PDZD8: variants seen among roughly 807,000 people sequenced by gnomAD.
PDZD8 encodes the protein PDZ domain-containing protein 8.
In PDZD8, 14 loss-of-function variants were observed where a neutral mutation model predicts 85.8. The observed-to-expected ratio is 0.16, with a 90% CI of 0.11 to 0.26. The LOEUF is 0.26. Ranked by LOEUF, PDZD8 falls within the 10% of genes least tolerant of loss-of-function variation. PDZD8 has a pLI of 1.00. For missense variants in PDZD8, 1,197 were observed against 1,424.3 expected (o/e 0.84, Z 2.57); for synonymous variants, 592 against 568.6 (o/e 1.04, Z -0.59).
At chr10:117,347,739 A>T (rs1844733807) in intron 1 of PDZD8, among the ~76,000 whole-genome samples, 1 of 152,216 alleles carries the variant, frequency 6.6e-6, no homozygotes, top group Non-Finnish European at 1.5e-5. Context: ...TGGAATAAGA[A>T]TTAGTGAAAC....
chr10:117,355,114 A>T (rs749826038), intron 1 of PDZD8, among the ~76,000 whole-genome samples: 12 of 152,184 alleles, frequency 7.9e-5, no homozygotes, highest in Non-Finnish European at 1.8e-4. Context: ...AGATACTTCA[A>T]TTGATATATT....
At chr10:117,353,068 T>G (rs1444080959) in intron 1 of PDZD8, among the ~76,000 whole-genome samples, 1 of 152,190 alleles carries the variant, frequency 6.6e-6, no homozygotes, top group Non-Finnish European at 1.5e-5. Context: ...TAATCTGCAT[T>G]ATAAAGCTGT....
chr10:117,353,432 C>T (rs1294481529), intron 1 of PDZD8, among the ~76,000 whole-genome samples: 1 of 152,024 alleles, frequency 6.6e-6, no homozygotes, highest in Non-Finnish European at 1.5e-5. Flanking sequence ...TAAACAAGTC[C>T]ACGTGATTAA....
At position 117,353,597 on chromosome 10, in the gene PDZD8, T is replaced by C. The variant is rs555627739; in HGVS notation, c.873-12495A>G. ...AAGCTAGATGCTAAAGAATTATTAC[T>C]TTTTAAAGGTTTGATAGTGGGATTA... On this transcript the variant is annotated intron_variant, in intron 1 of 4. Transcript: ENST00000334464. Among the ~76,000 whole-genome samples the C allele has an allele frequency of 9.8e-5, 15 of 152,296 alleles. No individual in the cohort carries two copies. The East Asian group carries it at 2.3e-3, about 24-fold the overall frequency.
At chr10:117,348,195 G>A (rs1844741918) in intron 1 of PDZD8, among the ~76,000 whole-genome samples, 1 of 152,158 alleles carries the variant, frequency 6.6e-6, no homozygotes, top group Non-Finnish European at 1.5e-5. Context: ...ATGTATAACT[G>A]TTTGGTTAGA....
At position 117,283,855 on chromosome 10, in the gene PDZD8, C is replaced by T; in HGVS notation, c.2878G>A (p.Gly960Arg). The change falls in exon 5 of 5, where the codon GGA (glycine) becomes AGA (arginine). Residue 960 changes from glycine (G) to arginine (R), a missense_variant. Physicochemically the swap from Gly to Arg is moderately radical, Grantham distance 125. Coordinates refer to ENST00000334464, the MANE Select transcript of PDZD8 (RefSeq NM_173791.5). ...GGTGAAGGTTCTACGAGATCGGTTCCTGGTTCAGAAAGGCGAGTTTTAGAG... is the reference window on the plus strand; with the variant it reads ...GGTGAAGGTTCTACGAGATCGGTTCTTGGTTCAGAAAGGCGAGTTTTAGAG... ...QVSKTRLSEP[G>R]TDLVEPSPKH... 6.2e-7 allele frequency: 1 copy of T among 1,614,134 alleles called. No homozygotes were observed. The highest frequency in any genetic ancestry group is 8.5e-7 in the Non-Finnish European group (1 of 1,180,032).
intron 2 of PDZD8, among the ~76,000 whole-genome samples, chr10:117,337,997 A>C (rs1844546969): frequency 6.6e-6 from 1 of 152,220 alleles, no homozygotes; most frequent in Non-Finnish European, 1.5e-5. Flanking sequence ...ATTAGAATAA[A>C]ACACACAAGC....
intron 2 of PDZD8, among the ~76,000 whole-genome samples, chr10:117,332,500 GTTTTTTTTTT>G (rs746193302): frequency 1.1e-5 from 1 of 88,434 alleles, no homozygotes; most frequent in Non-Finnish European, 2.2e-5. Flanking sequence ...TTCTGTAAGG[GTTTTTTTTTT>G]TTTTTTTTTT....
chr10:117,339,992 G>A (rs1014344369), intron 2 of PDZD8, among the ~76,000 whole-genome samples: 1 of 152,192 alleles, frequency 6.6e-6, no homozygotes, highest in Non-Finnish European at 1.5e-5. Context: ...AAAAGATCAT[G>A]TTGGTTGTTA....
chr10:117,324,085 A>C, intron 2 of PDZD8, among the ~76,000 whole-genome samples: 1 of 151,814 alleles, frequency 6.6e-6, no homozygotes, highest in Non-Finnish European at 1.5e-5. Flanking sequence ...AAAATTAGCC[A>C]GATGTGGTAG....
In PDZD8 at chr10:117,375,064, AGCAG is replaced by A; in HGVS notation, c.160_163del (p.Leu54SerfsTer2). ...GCCGCCATAAAGGTACTCCCTTAGG[AGCAG>A]GCCCGGCACTGGCTTGATGTAGCGG... On this transcript the variant is annotated frameshift_variant, in exon 1 of 5. Coordinates refer to ENST00000334464, the MANE Select transcript of PDZD8 (RefSeq NM_173791.5). LOFTEE classifies it high-confidence loss of function. 1 of 1,600,204 alleles carries A rather than the reference AGCAG, an allele frequency of 6.2e-7. No homozygotes were observed. The highest frequency in any genetic ancestry group is 8.5e-7 in the Non-Finnish European group (1 of 1,176,490).
intron 4 of PDZD8, among the ~76,000 whole-genome samples, chr10:117,286,260 C>T (rs1371353499): frequency 6.6e-6 from 1 of 152,198 alleles, no homozygotes; most frequent in African/African-American, 2.4e-5. Context: ...CCTTCCCTGA[C>T]CTTAGTAGCT....
intron 3 of PDZD8, among the ~76,000 whole-genome samples, chr10:117,300,467 A>G (rs887383364): frequency 2.6e-5 from 4 of 152,210 alleles, no homozygotes; most frequent in Admixed American, 2.6e-4. Context: ...AAACCATTCT[A>G]TAATGTAGCA....
rs1011759304 is a variant in PDZD8, at chr10:117,279,188, T to C, written c.*4080A>G. On this transcript the variant is annotated 3_prime_UTR_variant, in exon 5 of 5. Transcript: ENST00000334464. ...GGGAAAAAAATTCTAAGTTCTTTTA[T>C]ATGACTAATATTCTTGGTTAGCAAG... is the stretch of plus-strand genomic sequence containing the variant. 1 of 152,208 alleles carries C rather than the reference T, an allele frequency of 6.6e-6. No homozygotes were observed. The highest frequency in any genetic ancestry group is 1.9e-4 in the East Asian group (1 of 5,200). The allele number at this position is 152,208 out of a possible 1,614,324, so 9.4% of individuals were successfully genotyped here.
chr10:117,371,657 G>A (rs779007686), intron 1 of PDZD8, among the ~76,000 whole-genome samples: 7 of 152,104 alleles, frequency 4.6e-5, no homozygotes, highest in Admixed American at 4.6e-4. Flanking sequence ...ACAAAGCGCC[G>A]GGCAAGGTGG....
At chr10:117,337,921 T>G (rs1363983753) in intron 2 of PDZD8, among the ~76,000 whole-genome samples, 2 of 152,200 alleles carry the variant, frequency 1.3e-5, no homozygotes, top group Admixed American at 6.5e-5. Flanking sequence ...TTTTGGTCCT[T>G]CTTCCAAAAA....
intron 1 of PDZD8, among the ~76,000 whole-genome samples, chr10:117,373,512 C>T (rs553599966): frequency 1.1e-4 from 17 of 149,542 alleles, no homozygotes; most frequent in Admixed American, 5.4e-4. Context: ...AATCCTAACA[C>T]TTTGGGAGGC....
intron 1 of PDZD8, among the ~76,000 whole-genome samples, chr10:117,352,306 G>C (rs1285806553): frequency 6.6e-6 from 1 of 152,158 alleles, no homozygotes; most frequent in Non-Finnish European, 1.5e-5. Context: ...TCATGTTCTT[G>C]CTCAAGTGAT....
intron 1 of PDZD8, among the ~76,000 whole-genome samples, chr10:117,348,632 G>A (rs1039602460): frequency 2.0e-5 from 3 of 152,056 alleles, no homozygotes; most frequent in Admixed American, 2.0e-4. Context: ...GCATATTCCT[G>A]TTCTCTCTCC....
Sources: gnomAD v4.1 joint callset for allele counts (sites outside exome capture counted in the v4.1 genomes callset) on GRCh38, gnomAD v4.1.1 for gene constraint, MANE v1.5 for transcripts, NCBI Gene and HGNC (gene_info 2026-07-23, HGNC 2026-07-21) for gene names.